Variants in MSI2 observed in about 807,000 individuals in gnomAD.
MSI2 encodes the protein RNA-binding protein Musashi homolog 2.
MSI2 carries 17 observed loss-of-function variants against 45.6 expected under a neutral mutation model. The ratio of observed to expected loss-of-function variants is 0.37; its 90% CI spans 0.26 to 0.56. MSI2 has a LOEUF of 0.56. MSI2 is among the 20% of genes least tolerant of loss of function. The pLI, the probability that MSI2 is intolerant of heterozygous loss-of-function variation, is 0.77. For missense variants in MSI2, 293 were observed against 444.2 expected, an observed-to-expected ratio of 0.66 and a Z score of 3.06; for synonymous variants, 156 against 158.2, an observed-to-expected ratio of 0.99 and a Z score of 0.11.
chr17:57,558,240 C>A (rs565805025), intron 7 of MSI2, among the ~76,000 whole-genome samples: 2 of 152,304 alleles, frequency 1.3e-5, no homozygotes, highest in East Asian at 3.9e-4. Flanking sequence ...ACTGCCATTT[C>A]TAGTCACCAC....
chr17:57,393,138 C>G (rs958450098), intron 5 of MSI2, among the ~76,000 whole-genome samples: 9 of 152,154 alleles, frequency 5.9e-5, no homozygotes, highest in Admixed American at 5.9e-4. Flanking sequence ...GAATCAAATA[C>G]AGGTTGAAGA....
At chr17:57,648,433 T>G (rs945687865) in intron 10 of MSI2, among the ~76,000 whole-genome samples, 2 of 152,188 alleles carry the variant, frequency 1.3e-5, no homozygotes, top group African/African-American at 4.8e-5. Flanking sequence ...ATAAGCACCT[T>G]GCCCAAAGTC....
At chr17:57,672,846 A>G (rs1030581257) in intron 11 of MSI2, among the ~76,000 whole-genome samples, 12 of 152,214 alleles carry the variant, frequency 7.9e-5, no homozygotes, top group Admixed American at 3.9e-4. Flanking sequence ...TCTCGGCTTC[A>G]TATTTGCCTC....
upstream of MSI2, chr17:57,256,118 T>C: frequency 6.6e-6 from 1 of 151,776 alleles, no homozygotes; most frequent in Non-Finnish European, 1.5e-5. Context: ...GAGGGCGAAC[T>C]AGAGAGGGTG....
At chr17:57,308,874 T>C (rs1218029754) in intron 5 of MSI2, among the ~76,000 whole-genome samples, 1 of 152,148 alleles carries the variant, frequency 6.6e-6, no homozygotes, top group Non-Finnish European at 1.5e-5. Flanking sequence ...GAAGTTTCAG[T>C]GATGCCACAG....
At chr17:57,561,534 A>G (rs1291455504) in intron 7 of MSI2, among the ~76,000 whole-genome samples, 2 of 152,218 alleles carry the variant, frequency 1.3e-5, no homozygotes, top group African/African-American at 4.8e-5. Flanking sequence ...CCTTTCATCC[A>G]GACTGCAAAC....
At chr17:57,409,910 AG>A (rs2084160219) in intron 6 of MSI2, among the ~76,000 whole-genome samples, 1 of 150,118 alleles carries the variant, frequency 6.7e-6, no homozygotes, top group African/African-American at 2.4e-5. Flanking sequence ...CGGGAGGTTG[AG>A]GCAGGAGAAT....
intron 6 of MSI2, among the ~76,000 whole-genome samples, chr17:57,478,048 G>T (rs1246070177): frequency 6.6e-6 from 1 of 152,188 alleles, no homozygotes; most frequent in Non-Finnish European, 1.5e-5. Context: ...CCTCTGCCCG[G>T]CCTGCTCCTG....
At chr17:57,417,001 G>A (rs1359849010) in intron 6 of MSI2, among the ~76,000 whole-genome samples, 1 of 152,124 alleles carries the variant, frequency 6.6e-6, no homozygotes, top group Non-Finnish European at 1.5e-5. Context: ...CAGAGATGGT[G>A]GTAAGCAGAA....
chr17:57,479,748 A>C (rs753914337), intron 6 of MSI2, among the ~76,000 whole-genome samples: 6 of 152,318 alleles, frequency 3.9e-5, no homozygotes, highest in Non-Finnish European at 8.8e-5. Context: ...TCTCATGGCC[A>C]CATCTGAGCT....
intron 6 of MSI2, among the ~76,000 whole-genome samples, chr17:57,401,796 G>T (rs1239496854): frequency 6.6e-6 from 1 of 152,110 alleles, no homozygotes; most frequent in African/African-American, 2.4e-5. Flanking sequence ...TGACTCGCAG[G>T]GCAGGAGCTC....
At chr17:57,299,456 C>T (rs1041165244) in intron 5 of MSI2, among the ~76,000 whole-genome samples, 51 of 152,096 alleles carry the variant, frequency 3.4e-4, no homozygotes, top group African/African-American at 1.2e-3. Context: ...CACGTGAACA[C>T]ATAGAGGCCA....
intron 6 of MSI2, among the ~76,000 whole-genome samples, chr17:57,473,252 C>T (rs1010705404): frequency 9.2e-5 from 14 of 152,200 alleles, no homozygotes; most frequent in African/African-American, 3.4e-4. Context: ...CCCAGAAGCT[C>T]GGGGCTGCCT....
intron 5 of MSI2, among the ~76,000 whole-genome samples, chr17:57,384,479 A>G (rs938042405): frequency 5.3e-5 from 8 of 152,230 alleles, no homozygotes; most frequent in African/African-American, 1.9e-4. Flanking sequence ...TAAGTGTTCT[A>G]GTGAACAAGC....
At chr17:57,494,245 A>G (rs965512948) in intron 6 of MSI2, among the ~76,000 whole-genome samples, 2 of 152,232 alleles carry the variant, frequency 1.3e-5, no homozygotes, top group African/African-American at 4.8e-5. Flanking sequence ...CCATTAAAAT[A>G]TAGTATCCTG....
At chr17:57,460,834 A>G (rs1371077343) in intron 6 of MSI2, among the ~76,000 whole-genome samples, 1 of 151,910 alleles carries the variant, frequency 6.6e-6, no homozygotes, top group Non-Finnish European at 1.5e-5. Context: ...AGCGTGGTTG[A>G]CTGAAATGGC....
Position 57,555,771 on chromosome 17 carries a change from T to G in MSI2, c.454+26047T>G, listed in dbSNP as rs1027144582. 1.3e-4 allele frequency among the ~76,000 whole-genome samples: 20 copies of G among 152,194 alleles called. 1 individual carries two copies. The highest frequency in any genetic ancestry group is 1.0e-3 in the Admixed American group (16 of 15,288). Reference sequence around the variant, plus strand: ...TTAACCAGAAGAGTGATGGTGTTTATCCTCACCAGGTTGCTATGGCAACAG... The same window carrying G: ...TTAACCAGAAGAGTGATGGTGTTTAGCCTCACCAGGTTGCTATGGCAACAG... On this transcript the variant is annotated intron_variant, in intron 7 of 13. Transcript: ENST00000284073.
intron 5 of MSI2, among the ~76,000 whole-genome samples, chr17:57,396,424 C>CACAT (rs2083891557): frequency 6.6e-6 from 1 of 151,404 alleles, no homozygotes; most frequent in Admixed American, 6.6e-5. Flanking sequence ...CACACACACA[C>CACAT]ACACACACAC....
chr17:57,272,231 T>G (rs778175662), intron 5 of MSI2, among the ~76,000 whole-genome samples: 1 of 152,218 alleles, frequency 6.6e-6, no homozygotes, highest in Non-Finnish European at 1.5e-5. Context: ...TTCTCCACCC[T>G]AAAGAGGCCG....
Sources: allele counts gnomAD v4.1 joint callset (sites outside exome capture counted in the v4.1 genomes callset), GRCh38; gene constraint gnomAD v4.1.1; transcripts MANE v1.5; gene names NCBI Gene and HGNC (gene_info 2026-07-23, HGNC 2026-07-21).